The following LARGE1 variants were observed in gnomAD, a reference collection of about 807,000 sequenced individuals.
LARGE1 encodes the protein xylosyl- and glucuronyltransferase LARGE1.
Under a neutral mutation model 87.6 loss-of-function variants are expected in LARGE1, and 43 were observed. The observed-to-expected ratio is 0.49, with a 90% CI of 0.38 to 0.63. The LOEUF is 0.63. Ranked by LOEUF, LARGE1 falls within the 30% of genes least tolerant of loss-of-function variation. The pLI is 0.00. For missense variants in LARGE1, 802 were observed against 1,000.2 expected (o/e 0.80, Z 2.67); for synonymous variants, 434 against 394.6 (o/e 1.10, Z -1.18).
the LARGE1 span, among the ~76,000 whole-genome samples, chr22:33,103,156 G>A: frequency 3.3e-5 from 5 of 152,012 alleles, no homozygotes; most frequent in African/African-American, 4.8e-5. Context: ...TCATTCAGCC[G>A]GGTGCGTTGG....
intron 2 of LARGE1, among the ~76,000 whole-genome samples, chr22:33,702,881 G>A (rs767061148): frequency 1.3e-5 from 2 of 152,198 alleles, no homozygotes; most frequent in Non-Finnish European, 2.9e-5. Context: ...GCAGGAGAAA[G>A]ATTAGGTACA....
intron 2 of LARGE1, among the ~76,000 whole-genome samples, chr22:33,659,227 G>A (rs2081055152): frequency 6.6e-6 from 1 of 152,098 alleles, no homozygotes; most frequent in South Asian, 2.1e-4. Context: ...CTCCATATGA[G>A]ACTATATTCA....
chr22:33,448,102 G>A (rs1006794650), intron 6 of LARGE1, among the ~76,000 whole-genome samples: 1 of 151,852 alleles, frequency 6.6e-6, no homozygotes, highest in Non-Finnish European at 1.5e-5. Flanking sequence ...GGAGAGGGGG[G>A]TGTGGAATGA....
chr22:33,204,464 C>A (rs1201412093), intron 11 of LARGE1, among the ~76,000 whole-genome samples: 1 of 152,118 alleles, frequency 6.6e-6, no homozygotes, highest in Non-Finnish European at 1.5e-5. Flanking sequence ...ATGGACTTAT[C>A]AGCTTCCCAA....
intron 11 of LARGE1, among the ~76,000 whole-genome samples, chr22:33,170,826 A>G (rs1330680708): frequency 2.0e-5 from 3 of 152,200 alleles, no homozygotes; most frequent in Non-Finnish European, 2.9e-5. Flanking sequence ...GGGTACTGCT[A>G]TAAAGGTAAC....
intron 1 of LARGE1, among the ~76,000 whole-genome samples, chr22:33,797,197 C>T (rs2086014082): frequency 6.6e-6 from 1 of 152,124 alleles, no homozygotes; most frequent in Non-Finnish European, 1.5e-5. Context: ...CAGAAGCAAG[C>T]AGAGGAAAAA....
the LARGE1 span, among the ~76,000 whole-genome samples, chr22:33,089,339 C>T: frequency 1.3e-5 from 1 of 79,150 alleles, no homozygotes. Context: ...TCTTCTTCTT[C>T]TTCTTCTTCT....
At chr22:33,279,401 G>T (rs1449837502) in intron 13 of LARGE1, among the ~76,000 whole-genome samples, 1 of 152,232 alleles carries the variant, frequency 6.6e-6, no homozygotes, top group African/African-American at 2.4e-5. Context: ...GGCGCTAAGT[G>T]AGACTGAGTG....
chr22:33,906,040 G>A (rs767323981), intron 1 of LARGE1, among the ~76,000 whole-genome samples: 1 of 152,172 alleles, frequency 6.6e-6, no homozygotes, highest in Middle Eastern at 3.2e-3. Context: ...TGAGACAGGA[G>A]AATTGCTTAA....
chr22:33,295,667 G>A (rs780041474), intron 12 of LARGE1, among the ~76,000 whole-genome samples: 37 of 152,308 alleles, frequency 2.4e-4, no homozygotes, highest in Non-Finnish European at 4.6e-4. Flanking sequence ...GGGTTTGCTC[G>A]ATTCTACTCC....
chr22:33,313,483 G>T (rs1935825471), intron 11 of LARGE1, among the ~76,000 whole-genome samples: 1 of 152,238 alleles, frequency 6.6e-6, no homozygotes, highest in Non-Finnish European at 1.5e-5. Flanking sequence ...CCGCCCCGCT[G>T]GCGGACATGC....
chr22:33,663,908 T>C (rs189099613), intron 2 of LARGE1, among the ~76,000 whole-genome samples: 36 of 152,338 alleles, frequency 2.4e-4, no homozygotes, highest in Non-Finnish European at 4.9e-4. Context: ...TGAATTACCA[T>C]GGACCCTCCA....
intron 6 of LARGE1, among the ~76,000 whole-genome samples, chr22:33,559,197 T>G (rs57095770): frequency 0.097 from 14,741 of 152,280 alleles, 1,034 homozygotes; most frequent in African/African-American, 0.2. Context: ...CACCTTTTTT[T>G]TGAGACGCAG....
rs1937146727 is a variant in LARGE1 at position 33,325,345 on chromosome 22, A to C, written c.1288-9097T>G. Among the ~76,000 whole-genome samples the C allele has an allele frequency of 2.0e-5, 3 of 152,196 alleles. 1 individual carries two copies. In the South Asian group the frequency reaches 6.2e-4, roughly 32 times the overall value. On this transcript the variant is annotated intron_variant, in intron 10 of 14. Transcript: ENST00000397394. ...TCTGTGATACAGCTCTGGCCACTGGAGTCTGGAAAGGCTCTGGCTAGTACA... is the reference window on the plus strand; with the variant it reads ...TCTGTGATACAGCTCTGGCCACTGGCGTCTGGAAAGGCTCTGGCTAGTACA...
At chr22:33,534,576 T>C (rs79180624) in intron 6 of LARGE1, among the ~76,000 whole-genome samples, 3,988 of 152,216 alleles carry the variant, frequency 0.026, 72 homozygotes, top group African/African-American at 0.048. Flanking sequence ...GTCACACAAA[T>C]GGCGACTGCA....
chr22:33,421,232 A>G (rs1350777830), intron 7 of LARGE1, among the ~76,000 whole-genome samples: 2 of 151,958 alleles, frequency 1.3e-5, no homozygotes, highest in Non-Finnish European at 2.9e-5. Flanking sequence ...CAATCAATCA[A>G]TCAATCAATC....
chr22:33,671,014 G>A (rs756883134), intron 2 of LARGE1, among the ~76,000 whole-genome samples: 3 of 152,294 alleles, frequency 2.0e-5, no homozygotes, highest in Admixed American at 6.5e-5. Context: ...GGAGATCAGA[G>A]GGAGTAGAGC....
intron 11 of LARGE1, among the ~76,000 whole-genome samples, chr22:33,216,747 A>G (rs5994699): frequency 0.026 from 4,012 of 152,294 alleles, 172 homozygotes; most frequent in African/African-American, 0.089. Context: ...GATACCATGT[A>G]GCACATGACC....
intron 2 of LARGE1, among the ~76,000 whole-genome samples, chr22:33,712,695 G>A (rs910985012): frequency 3.5e-5 from 5 of 142,508 alleles, no homozygotes; most frequent in African/African-American, 1.3e-4. Context: ...TCTGCATGTG[G>A]GTAGCATGAA....
Sources: allele counts gnomAD v4.1 joint callset (sites outside exome capture counted in the v4.1 genomes callset), GRCh38; gene constraint gnomAD v4.1.1; transcripts MANE v1.5; gene names NCBI Gene and HGNC (gene_info 2026-07-23, HGNC 2026-07-21).